The following ALPL variants were observed in gnomAD, a reference collection of about 807,000 sequenced individuals.
ALPL encodes alkaline phosphatase, biomineralization associated.
Under a neutral mutation model 51.3 loss-of-function variants are expected in ALPL, and 42 were observed. That is an observed-to-expected ratio of 0.82 (90% CI 0.64 to 1.06). The LOEUF is 1.06. ALPL is among the 50% of genes least tolerant of loss of function. ALPL has a pLI of 0.00. For synonymous variants in ALPL, 279 were observed against 296.4 expected (o/e 0.94, Z 0.60); for missense variants, 589 against 709.4 (o/e 0.83, Z 1.93).
rs121918020 is a variant in ALPL at position 21,570,326 on chromosome 1, C to A, written c.814C>A (p.Arg272Ser). 1 of 1,614,122 alleles carries A rather than the reference C, an allele frequency of 6.2e-7. No homozygotes were observed. Among genetic ancestry groups the A allele is most frequent in the Non-Finnish European group, 8.5e-7 (1 of 1,180,030 alleles). The change falls in exon 8 of 12, where the codon CGC (arginine) becomes AGC (serine). Residue 272 changes from arginine (R) to serine (S), a missense_variant. Transcript: ENST00000374840. Reference protein sequence around the residue: ...RYKHSHFIWNRTELLTLDPHN... With the variant: ...RYKHSHFIWNSTELLTLDPHN... Reference sequence around the variant, plus strand: ...CTAGCACTCCCACTTCATCTGGAACCGCACGGAACTCCTGACCCTTGACCC... The same window carrying A: ...CTAGCACTCCCACTTCATCTGGAACAGCACGGAACTCCTGACCCTTGACCC...
chr1:21,540,350 C>A (rs1196652834), intron 1 of ALPL, among the ~76,000 whole-genome samples: 2 of 152,192 alleles, frequency 1.3e-5, no homozygotes, highest in African/African-American at 4.8e-5. Flanking sequence ...CCTCTGGCTT[C>A]AGTCCTCTGC....
rs1476166778 is a variant in ALPL, at chr1:21,533,911, A to T, written c.-104-20067A>T. ...TCACTCTGGCCTGGGTGACAAGAGT[A>T]AAACTCTTGTCTCAAAAAAAAAAAA... On this transcript the variant is annotated intron_variant, in intron 1 of 11. Coordinates refer to ENST00000374840, the MANE Select transcript of ALPL (RefSeq NM_000478.6). 3.4e-5 allele frequency among the ~76,000 whole-genome samples: 4 copies of T among 118,948 alleles called. No individual in the cohort carries two copies. The East Asian group carries it at 1.2e-3, about 36-fold the overall frequency. 78.0% of individuals were successfully genotyped at this position (118,948 alleles called of 152,430 possible).
intron 6 of ALPL, among the ~76,000 whole-genome samples, chr1:21,566,629 G>T (rs1170116239): frequency 1.3e-5 from 2 of 151,090 alleles, no homozygotes; most frequent in African/African-American, 4.9e-5. Context: ...TCACTCTGTT[G>T]CCCAGGCTGG....
rs1297993398 is a variant in ALPL, at chr1:21,509,436, C to G, written c.-186C>G. ...GTGGTGGCCCGGGCCGCGTTGCGCT[C>G]CCGCCACTCCGCGCCCGCTATCCTG... On this transcript the variant is annotated 5_prime_UTR_variant, in exon 1 of 12. Transcript: ENST00000374840. The surrounding 1 kb of genome is among the most constrained non-coding windows in gnomAD (Gnocchi z 6.0). 6.6e-6 allele frequency: 1 copy of G among 151,840 alleles called. No individual in the cohort carries two copies. The highest frequency in any genetic ancestry group is 2.4e-5 in the African/African-American group (1 of 41,400). The allele number at this position is 151,840 out of a possible 1,614,324, so 9.4% of individuals were successfully genotyped here.
At chr1:21,569,388 G>C (rs138090800) in intron 7 of ALPL, among the ~76,000 whole-genome samples, 1 of 152,328 alleles carries the variant, frequency 6.6e-6, no homozygotes, top group African/African-American at 2.4e-5. Flanking sequence ...ATCAGGTCCC[G>C]TGTAGGCCCC....
intron 1 of ALPL, chr1:21,551,504 T>A (rs1644319861): frequency 1.3e-5 from 2 of 151,780 alleles, no homozygotes; most frequent in Admixed American, 6.6e-5. Flanking sequence ...AACATTTTTC[T>A]GATTTTAGGA....
At chr1:21,557,942 G>A (rs1163246092) in intron 2 of ALPL, among the ~76,000 whole-genome samples, 1 of 152,200 alleles carries the variant, frequency 6.6e-6, no homozygotes, top group Non-Finnish European at 1.5e-5. Flanking sequence ...TTGGCCACCA[G>A]AGACTTGCTT....
At chr1:21,544,367 T>C (rs1644226957) in intron 1 of ALPL, among the ~76,000 whole-genome samples, 1 of 152,208 alleles carries the variant, frequency 6.6e-6, no homozygotes, top group Non-Finnish European at 1.5e-5. Flanking sequence ...CAAAATGTGG[T>C]GACTGAGAGT....
At position 21,575,904 on chromosome 1, in the gene ALPL, C is replaced by A. The variant is rs983864892; in HGVS notation, c.1169C>A (p.Pro390His). ...GTCTTCACATTTGGTGGATACACCCCCCGTGGCAACTCTATCTTTGGTAGG... is the reference window on the plus strand; with the variant it reads ...GTCTTCACATTTGGTGGATACACCCACCGTGGCAACTCTATCTTTGGTAGG... ...SHVFTFGGYT[P>H]RGNSIFGLAP... The change falls in exon 10 of 12, where the codon CCC becomes CAC. Residue 390 changes from proline to histidine, a missense_variant. By Grantham distance (77) the Pro-to-His change is moderately conservative. Coordinates refer to ENST00000374840, the MANE Select transcript of ALPL (RefSeq NM_000478.6). 6.2e-7 allele frequency: 1 copy of A among 1,614,198 alleles called. No individual in the cohort carries two copies. The highest frequency in any genetic ancestry group is 8.5e-7 in the Non-Finnish European group (1 of 1,180,028).
At chr1:21,551,008 G>C (rs1202350656) in intron 1 of ALPL, among the ~76,000 whole-genome samples, 4 of 152,134 alleles carry the variant, frequency 2.6e-5, no homozygotes, top group Non-Finnish European at 5.9e-5. Context: ...CGGGTCCCAG[G>C]GTACAGGTAG....
intron 1 of ALPL, among the ~76,000 whole-genome samples, chr1:21,546,189 G>A (rs1208690379): frequency 6.6e-6 from 1 of 152,210 alleles, no homozygotes; most frequent in East Asian, 1.9e-4. Context: ...GTGAGGATCT[G>A]ACGCAATTTG....
intron 1 of ALPL, among the ~76,000 whole-genome samples, chr1:21,545,797 T>C (rs1261933234): frequency 2.0e-5 from 3 of 152,118 alleles, no homozygotes; most frequent in Admixed American, 1.3e-4. Context: ...TTAAACTCTT[T>C]TAAATTTATT....
chr1:21,562,613 C>G (rs965854529), intron 4 of ALPL, among the ~76,000 whole-genome samples: 15 of 152,124 alleles, frequency 9.9e-5, no homozygotes, highest in African/African-American at 3.1e-4. Context: ...TAGGGCAACC[C>G]TGTGATGGTG....
chr1:21,512,522 C>T (rs761045797), intron 1 of ALPL, among the ~76,000 whole-genome samples: 25 of 152,228 alleles, frequency 1.6e-4, no homozygotes, highest in Non-Finnish European at 2.4e-4. Context: ...GGGAAGTCCA[C>T]GTTTAGGTCA....
intron 2 of ALPL, among the ~76,000 whole-genome samples, chr1:21,560,113 C>G (rs1460158022): frequency 6.6e-6 from 1 of 152,148 alleles, no homozygotes; most frequent in Non-Finnish European, 1.5e-5. Flanking sequence ...GCTATTAAAC[C>G]AAGTCAGGTT....
chr1:21,560,557 G>A (rs1644468105), intron 2 of ALPL, 69 bp from the exon 3 acceptor site: 9 of 1,590,362 alleles, frequency 5.7e-6, no homozygotes, highest in Non-Finnish European at 6.9e-6. Context: ...CAGAAGTGGG[G>A]GGATCTGTAC....
chr1:21,526,794 A>G (rs1056621308), intron 1 of ALPL, among the ~76,000 whole-genome samples: 5 of 152,016 alleles, frequency 3.3e-5, no homozygotes, highest in African/African-American at 9.7e-5. Context: ...TTTTATTTCA[A>G]TTTGTTCTGC....
At chr1:21,550,662 A>G (rs1644308949) in intron 1 of ALPL, among the ~76,000 whole-genome samples, 2 of 151,940 alleles carry the variant, frequency 1.3e-5, no homozygotes, top group Non-Finnish European at 2.9e-5. Flanking sequence ...TCAATCATAA[A>G]CCGAACCGCA....
At chr1:21,539,594 C>G (rs1035657226) in intron 1 of ALPL, among the ~76,000 whole-genome samples, 6 of 151,950 alleles carry the variant, frequency 3.9e-5, no homozygotes, top group Non-Finnish European at 8.8e-5. Flanking sequence ...ATCCCTGCCC[C>G]TGATGTGCTG....
Sources: allele counts gnomAD v4.1 joint callset (sites outside exome capture counted in the v4.1 genomes callset), GRCh38; gene constraint gnomAD v4.1.1; non-coding constraint Gnocchi (gnomAD v3.1); transcripts MANE v1.5; gene names NCBI Gene and HGNC (gene_info 2026-07-23, HGNC 2026-07-21).